PACRGL: variants seen among roughly 807,000 people sequenced by gnomAD.
PACRGL encodes the protein PACRG-like protein.
PACRGL carries 38 observed loss-of-function variants against 34.5 expected under a neutral mutation model. The ratio of observed to expected loss-of-function variants is 1.10; its 90% CI spans 0.85 to 1.44. The LOEUF (loss-of-function observed/expected upper bound fraction) is 1.44, where lower values mean the gene tolerates loss of function less well. Ranked by LOEUF, PACRGL falls within the 40% of genes most tolerant of loss-of-function variation. The probability of loss-of-function intolerance (pLI) is 0.00; values close to 1 mark genes in which losing one functional copy is unlikely to be tolerated. For missense variants in PACRGL, 305 were observed against 281.4 expected (o/e 1.08, Z -0.60); for synonymous variants, 128 against 100.1 (o/e 1.28, Z -1.66).
At chr4:20,752,863 G>GTTC (rs1203216028), downstream of PACRGL, 1 of 152,170 alleles carries the variant, frequency 6.6e-6, no homozygotes, top group African/African-American at 2.4e-5. Context: ...ACTCAACTGT[G>GTTC]TTCTTAAGCA....
downstream of PACRGL, among the ~76,000 whole-genome samples, chr4:20,753,188 A>ATG (rs1262050067): frequency 1.3e-5 from 2 of 152,168 alleles, no homozygotes; most frequent in Non-Finnish European, 2.9e-5. Flanking sequence ...AACAAAGGTA[A>ATG]AAATAGGGAC....
intron 8 of PACRGL, among the ~76,000 whole-genome samples, chr4:20,741,212 C>G (rs764866329): frequency 1.6e-4 from 25 of 152,162 alleles, no homozygotes; most frequent in Non-Finnish European, 2.8e-4. Context: ...AGCTCTGCAG[C>G]AAGCGGACCT....
chr4:20,760,090 C>T, the PACRGL span, among the ~76,000 whole-genome samples: 1 of 152,084 alleles, frequency 6.6e-6, no homozygotes, highest in Non-Finnish European at 1.5e-5. Context: ...ATAAGTGGAC[C>T]CACACACTTC....
In PACRGL at chr4:20,727,340, G is replaced by T. The variant is rs1746202003; in HGVS notation, c.746G>T (p.Ter249LeuextTer13). ...KIPTYCSICC[*>L] ...CCAACATACTGCTCCATATGCTGTT[G>T]AAGAAGGGAGCCAACAAAAATTGTT... Residue 249 changes from the stop codon to leucine (L), a stop_lost, in exon 9 of 9, where the codon TGA becomes TTA. Coordinates refer to ENST00000503585, the MANE Select transcript of PACRGL (RefSeq NM_001258345.3). 3 of 1,611,294 alleles carry T rather than the reference G, an allele frequency of 1.9e-6. No homozygotes were observed. Among genetic ancestry groups the T allele is most frequent in the South Asian group, 1.1e-5 (1 of 90,990 alleles).
chr4:20,732,036 G>A lies in PACRGL; in HGVS notation c.*4695G>A. On this transcript the variant is annotated 3_prime_UTR_variant, in exon 9 of 9. Transcript: ENST00000503585. ...GGCAGCTTTCAATGAACTCATCTAT[G>A]GTAACAACCCCATCTTTATTTTTGT... 6.2e-7 allele frequency: 1 copy of A among 1,613,082 alleles called. No homozygotes were observed. Among genetic ancestry groups the A allele is most frequent in the Non-Finnish European group, 8.5e-7 (1 of 1,179,562 alleles).
Position 20,707,881 on chromosome 4 carries a change from T to C in PACRGL, c.275+11T>C. ...AGGTATTCCTTGCAGGTAAAATCAATATGATTTATAACTGACCAAATTATT... is the reference window on the plus strand; with the variant it reads ...AGGTATTCCTTGCAGGTAAAATCAACATGATTTATAACTGACCAAATTATT... On this transcript the variant is annotated intron_variant, in intron 4 of 8. Coordinates refer to ENST00000503585, the MANE Select transcript of PACRGL (RefSeq NM_001258345.3). The C allele has an allele frequency of 6.3e-7, 1 of 1,594,402 alleles. No individual in the cohort carries two copies. The highest frequency in any genetic ancestry group is 8.6e-7 in the Non-Finnish European group (1 of 1,162,432).
rs1288221118 is a variant in PACRGL, at chr4:20,727,407, CATTT to C, written c.*71_*74del. The C allele has an allele frequency of 5.4e-6, 7 of 1,303,640 alleles. No individual in the cohort carries two copies. Among genetic ancestry groups the C allele is most frequent in the Admixed American group, 1.7e-5 (1 of 57,246 alleles). 80.8% of individuals were successfully genotyped at this position (1,303,640 alleles called of 1,614,324 possible). On this transcript the variant is annotated 3_prime_UTR_variant, in exon 9 of 9. Coordinates refer to ENST00000503585, the MANE Select transcript of PACRGL (RefSeq NM_001258345.3). The stretch of plus-strand genomic sequence containing the variant: ...GTGTCAAGCACTAACTGTGGGTACT[CATTT>C]ATTTTATTCTTTTGTAAATCACAGC...
upstream of PACRGL, among the ~76,000 whole-genome samples, chr4:20,698,428 T>C (rs1262700311): frequency 2.0e-5 from 3 of 152,214 alleles, no homozygotes; most frequent in African/African-American, 7.2e-5. Context: ...GTATTACTCC[T>C]ATCGCCCAAC....
chr4:20,758,968 C>G, the PACRGL span: 1 of 1,100,818 alleles, frequency 9.1e-7, no homozygotes, highest in Middle Eastern at 2.0e-4. Flanking sequence ...TGAAACAGAA[C>G]TGTCTACCAT....
chr4:20,702,223 T>A, intron 1 of PACRGL: 1 of 456,548 alleles, frequency 2.2e-6, no homozygotes, highest in South Asian at 1.6e-5. Context: ...ACTGAATTGG[T>A]AGGTAGTATT....
In PACRGL at chr4:20,716,021, T is replaced by A. The variant is rs1739787709; in HGVS notation, c.609+2482T>A. The A allele has an allele frequency of 6.9e-6, 9 of 1,304,532 alleles. No homozygotes were observed. In the East Asian group the frequency reaches 2.3e-4, roughly 33 times the overall value. The allele number at this position is 1,304,532 out of a possible 1,614,324, so 80.8% of individuals were successfully genotyped here. ...TAAGTATTTTTGTTTTTCATTGCGA[T>A]GTTTTAGTGAATCTGTAAATTGCAT... is the stretch of plus-strand genomic sequence containing the variant. On this transcript the variant is annotated intron_variant, in intron 7 of 8. Transcript: ENST00000503585.
At chr4:20,734,440 T>TTTAC (rs1291592314), downstream of PACRGL, among the ~76,000 whole-genome samples, 1 of 152,230 alleles carries the variant, frequency 6.6e-6, no homozygotes, top group Non-Finnish European at 1.5e-5. Context: ...GTGTTATATA[T>TTTAC]TTACTTTGGA....
Position 20,727,355 on chromosome 4 carries a change from C to A in PACRGL, c.*14C>A, listed in dbSNP as rs758200971. 1 of 1,605,884 alleles carries A rather than the reference C, an allele frequency of 6.2e-7. No homozygotes were observed. Among genetic ancestry groups the A allele is most frequent in the Non-Finnish European group, 8.5e-7 (1 of 1,172,970 alleles). ...ATATGCTGTTGAAGAAGGGAGCCAACAAAAATTGTTTTTTCTACCTGTTGA... is the reference window on the plus strand; with the variant it reads ...ATATGCTGTTGAAGAAGGGAGCCAAAAAAAATTGTTTTTTCTACCTGTTGA... On this transcript the variant is annotated 3_prime_UTR_variant, in exon 9 of 9. Transcript: ENST00000503585.
At chr4:20,725,352 TACACACACAC>T (rs10584716) in intron 8 of PACRGL, among the ~76,000 whole-genome samples, 1 of 150,386 alleles carries the variant, frequency 6.6e-6, no homozygotes, top group East Asian at 2.0e-4. Flanking sequence ...CCCATAGGTG[TACACACACAC>T]ACACACACAC....
At chr4:20,727,162 A>G (rs1308675435) in intron 8 of PACRGL, 123 bp from the exon 9 acceptor site, 20 of 778,596 alleles carry the variant, frequency 2.6e-5, no homozygotes, top group Non-Finnish European at 3.8e-5. Context: ...TTATTTCATC[A>G]TTTTGTTCTT....
chr4:20,744,809 A>T (rs949697128), intron 8 of PACRGL, among the ~76,000 whole-genome samples: 1 of 152,184 alleles, frequency 6.6e-6, no homozygotes, highest in Non-Finnish European at 1.5e-5. Context: ...AGCACGTTTA[A>T]GTCAAGTGTG....
chr4:20,724,556 T>C (rs1215819695), intron 7 of PACRGL, among the ~76,000 whole-genome samples: 3 of 152,200 alleles, frequency 2.0e-5, no homozygotes, highest in Non-Finnish European at 4.4e-5. Flanking sequence ...AATATGCTAT[T>C]TTATAGAAAC....
chr4:20,704,375 T>C, intron 1 of PACRGL, 91 bp from the exon 2 acceptor site: 1 of 1,187,056 alleles, frequency 8.4e-7, no homozygotes, highest in South Asian at 1.4e-5. Context: ...TTTACTGTAT[T>C]GTATACTCTG....
At chr4:20,715,212 G>A (rs578145596) in intron 7 of PACRGL, among the ~76,000 whole-genome samples, 1 of 152,106 alleles carries the variant, frequency 6.6e-6, no homozygotes, top group South Asian at 2.1e-4. Flanking sequence ...TCATAGGTGG[G>A]AATTGAACAA....
Sources: gnomAD v4.1 joint callset for allele counts (sites outside exome capture counted in the v4.1 genomes callset) on GRCh38, gnomAD v4.1.1 for gene constraint, MANE v1.5 for transcripts, NCBI Gene and HGNC (gene_info 2026-07-23, HGNC 2026-07-21) for gene names.